PXDN: variants seen among roughly 807,000 people sequenced by gnomAD.
The protein encoded by PXDN is peroxidasin.
PXDN carries 77 observed loss-of-function variants against 140.3 expected under a neutral mutation model. The observed-to-expected ratio is 0.55, with a 90% CI of 0.46 to 0.66. The LOEUF is 0.66. Ranked by LOEUF, PXDN falls within the 30% of genes least tolerant of loss-of-function variation. The pLI, the probability that PXDN is intolerant of heterozygous loss-of-function variation, is 0.00. For missense variants in PXDN, 1,838 were observed against 2,039.5 expected, an observed-to-expected ratio of 0.90 and a Z score of 1.90; for synonymous variants, 911 against 857.4, an observed-to-expected ratio of 1.06 and a Z score of -1.09.
chr2:1,677,149 C>T (rs1277909629), intron 7 of PXDN, 105 bp from the exon 8 acceptor site: 2 of 1,025,084 alleles, frequency 2.0e-6, no homozygotes, highest in African/African-American at 1.6e-5. Flanking sequence ...ACCACAGATG[C>T]CCAAAGGTGT....
At chr2:1,650,356 G>A (rs1013468626) in intron 16 of PXDN, among the ~76,000 whole-genome samples, 3 of 152,194 alleles carry the variant, frequency 2.0e-5, no homozygotes, top group Non-Finnish European at 2.9e-5. Flanking sequence ...CACAGCAAGC[G>A]CACGCTCCCA....
chr2:1,712,034 A>G (rs1684797926), intron 1 of PXDN, among the ~76,000 whole-genome samples: 1 of 152,150 alleles, frequency 6.6e-6, no homozygotes, highest in Non-Finnish European at 1.5e-5. Context: ...AATTCTTGTC[A>G]ATGAAAATGT....
Position 1,660,095 on chromosome 2 carries a change from A to G in PXDN, c.1837+786T>C, listed in dbSNP as rs547366484. ...TAGGGGGACAGAGCAGGAGTGGGGA[A>G]CACACCACTGATGAGGCGCAGGTTT... On this transcript the variant is annotated intron_variant, in intron 14 of 22. Coordinates refer to ENST00000252804, the MANE Select transcript of PXDN (RefSeq NM_012293.3). This position sits in a 1 kb window ranked among gnomAD's most constrained non-coding sequence, Gnocchi z 4.6. 1.6e-4 allele frequency among the ~76,000 whole-genome samples: 24 copies of G among 152,272 alleles called. No homozygotes were observed. The South Asian group carries it at 2.7e-3, about 17-fold the overall frequency.
chr2:1,663,904 TC>T, intron 11 of PXDN, 141 bp from the exon 12 acceptor site: 2 of 993,434 alleles, frequency 2.0e-6, no homozygotes, highest in Non-Finnish European at 3.0e-6. Context: ...CATAAGCAAA[TC>T]TTTGCCTCCC....
At chr2:1,692,956 T>C in intron 2 of PXDN, 107 bp downstream of exon 2, 1 of 1,110,498 alleles carries the variant, frequency 9.0e-7, no homozygotes, top group Non-Finnish European at 1.3e-6. Flanking sequence ...CTGCTCCACT[T>C]TTCCCCACCC....
In PXDN at chr2:1,684,062, G is replaced by T; in HGVS notation, c.488+18C>A. 1 of 1,566,082 alleles carries T rather than the reference G, an allele frequency of 6.4e-7. No homozygotes were observed. The highest frequency in any genetic ancestry group is 8.7e-7 in the Non-Finnish European group (1 of 1,153,396). ...TGGGCTCTGTGAATGGAAAGGCAAG[G>T]AACAACACACAACTCACAGCCTCTC... On this transcript the variant is annotated intron_variant, in intron 5 of 22. Coordinates refer to ENST00000252804, the MANE Select transcript of PXDN (RefSeq NM_012293.3).
rs1213685860 is a variant in PXDN at position 1,651,365 on chromosome 2, G to A, written c.2105-1690C>T. 6.6e-6 allele frequency among the ~76,000 whole-genome samples: 1 copy of A among 152,178 alleles called. No individual in the cohort carries two copies. ...ACCAGAGCAGGTGGCACCGACCCTG[G>A]CCCCAGTTTCCCAGGACTGGTTTGC... On this transcript the variant is annotated intron_variant, in intron 16 of 22. Transcript: ENST00000252804. This position sits in a 1 kb window ranked among gnomAD's most constrained non-coding sequence, Gnocchi z 4.4.
chr2:1,648,635 C>T lies in PXDN; in HGVS notation c.3145G>A (p.Glu1049Lys). Reference protein sequence around the residue: ...LGEVGMRTLGEYHGYDPGINA... With the variant: ...LGEVGMRTLGKYHGYDPGINA... ...ATGCCGGGGTCGTAGCCGTGGTACTCTCCCAGCGTCCTCATGCCCACCTCC... is the reference window on the plus strand; with the variant it reads ...ATGCCGGGGTCGTAGCCGTGGTACTTTCCCAGCGTCCTCATGCCCACCTCC... Residue 1049 changes from glutamate to lysine, a missense_variant, in exon 17 of 23, where the codon GAG becomes AAG. Transcript: ENST00000252804. This position sits in a 1 kb window ranked among gnomAD's most constrained non-coding sequence, Gnocchi z 8.9. 6.2e-7 allele frequency: 1 copy of T among 1,610,904 alleles called. No individual in the cohort carries two copies.
In PXDN at chr2:1,634,013, G is replaced by A. The variant is rs1438983848; in HGVS notation, c.*191C>T. 4.6e-5 allele frequency: 34 copies of A among 733,502 alleles called. No individual in the cohort carries two copies. Among genetic ancestry groups the A allele is most frequent in the Non-Finnish European group, 6.3e-5 (31 of 491,674 alleles). 45.4% of individuals were successfully genotyped at this position (733,502 alleles called of 1,614,324 possible). ...GCCTGCTTCCCTTCAGGCACCTGCTGTGCCTCCTTCTCCGCAGATGCTCTG... is the reference window on the plus strand; with the variant it reads ...GCCTGCTTCCCTTCAGGCACCTGCTATGCCTCCTTCTCCGCAGATGCTCTG... On this transcript the variant is annotated 3_prime_UTR_variant, in exon 23 of 23. Coordinates refer to ENST00000252804, the MANE Select transcript of PXDN (RefSeq NM_012293.3).
At position 1,649,166 on chromosome 2, in the gene PXDN, C is replaced by A. The variant is rs1380036826; in HGVS notation, c.2614G>T (p.Gly872Trp). ...IPPNDSRARSGARCMFFVRSS... is the reference protein window; with the variant it reads ...IPPNDSRARSWARCMFFVRSS... ...CGCACGAAGAACATGCAGCGGGCCCCGCTCCTGGCCCGGGAGTCATTGGGG... is the reference window on the plus strand; with the variant it reads ...CGCACGAAGAACATGCAGCGGGCCCAGCTCCTGGCCCGGGAGTCATTGGGG... Residue 872 changes from glycine (G) to tryptophan (W), a missense_variant, in exon 17 of 23, where the codon GGG (glycine) becomes TGG (tryptophan). Physicochemically the swap from Gly to Trp is radical, Grantham distance 184. Around this residue, in one of 5 missense-constraint regions of PXDN, gnomAD observed 850 missense variants for 894.1 expected, o/e 0.95. Coordinates refer to ENST00000252804, the MANE Select transcript of PXDN (RefSeq NM_012293.3). This position sits in a 1 kb window ranked among gnomAD's most constrained non-coding sequence, Gnocchi z 7.1. The A allele has an allele frequency of 4.3e-6, 7 of 1,612,052 alleles. No homozygotes were observed. In the South Asian group the frequency reaches 7.7e-5, roughly 18 times the overall value.
intron 14 of PXDN, among the ~76,000 whole-genome samples, chr2:1,655,414 C>T (rs1195623007): frequency 6.6e-6 from 1 of 151,232 alleles, no homozygotes; most frequent in Non-Finnish European, 1.5e-5. Flanking sequence ...TCACATTATA[C>T]ACACACATCA....
chr2:1,638,524 G>C (rs1445891002), intron 21 of PXDN, among the ~76,000 whole-genome samples: 3 of 152,132 alleles, frequency 2.0e-5, no homozygotes, highest in African/African-American at 7.2e-5. Flanking sequence ...TTAAGAACAG[G>C]ACTTCATGTC....
At chr2:1,739,066 C>G (rs1685480751) in intron 1 of PXDN, among the ~76,000 whole-genome samples, 1 of 152,178 alleles carries the variant, frequency 6.6e-6, no homozygotes, top group Admixed American at 6.5e-5. Context: ...CCGGGAAGAT[C>G]AGATGCCTTC....
chr2:1,683,491 TC>T (rs138434519), intron 6 of PXDN, among the ~76,000 whole-genome samples, 164 bp downstream of exon 6: 24,293 of 151,858 alleles, frequency 0.16, 3,794 homozygotes, highest in African/African-American at 0.41. Context: ...CACATGTTTT[TC>T]ATTTTGCTCT....
At chr2:1,665,940 T>G (rs2125427782) in intron 10 of PXDN, among the ~76,000 whole-genome samples, 1 of 152,224 alleles carries the variant, frequency 6.6e-6, no homozygotes, top group South Asian at 2.1e-4. Flanking sequence ...CTCTCTCACT[T>G]ATCTGATAGA....
intron 12 of PXDN, 91 bp downstream of exon 12, chr2:1,663,513 GA>G: frequency 6.6e-7 from 1 of 1,514,570 alleles, no homozygotes; most frequent in Non-Finnish European, 9.0e-7. Context: ...GCTTTATAAC[GA>G]AGAGTAACAC....
Position 1,653,521 on chromosome 2 carries a change from T to C in PXDN, c.2104+107A>G, listed in dbSNP as rs1423720945. The C allele has an allele frequency of 7.7e-6, 11 of 1,432,582 alleles. 1 individual carries two copies. The highest frequency in any genetic ancestry group is 9.6e-7 in the Non-Finnish European group (1 of 1,037,320). 88.7% of individuals were successfully genotyped at this position (1,432,582 alleles called of 1,614,324 possible). A position where few individuals can be genotyped will look rare whatever the true frequency, so the allele number is the denominator to read the frequency against. ...ATAATTTCACAGTTCATAAGCACAG[T>C]GGGAAAGAAAATGCTGGAACTCTTC... On this transcript the variant is annotated intron_variant, in intron 16 of 22. Transcript: ENST00000252804.
At chr2:1,686,540 G>A (rs557439041) in intron 4 of PXDN, among the ~76,000 whole-genome samples, 3 of 152,178 alleles carry the variant, frequency 2.0e-5, no homozygotes, top group African/African-American at 7.2e-5. Flanking sequence ...AGATTTGCTC[G>A]CCCCCACTGA....
rs760329688 is a variant in PXDN, at chr2:1,661,071, A to G, written c.1681-34T>C. ...AAACAGAATGAAAACAGTATTAGAA[A>G]TAAGACTAAGAAGCAGAAGTTATCT... On this transcript the variant is annotated intron_variant, in intron 13 of 22. Transcript: ENST00000252804. 4.3e-6 allele frequency: 7 copies of G among 1,612,120 alleles called. No homozygotes were observed. In the East Asian group the frequency reaches 1.3e-4, roughly 31 times the overall value.
Sources: gnomAD v4.1 joint callset for allele counts (sites outside exome capture counted in the v4.1 genomes callset) on GRCh38, gnomAD v4.1.1 for gene constraint, gnomAD v4.1.1 regional missense constraint, Gnocchi (gnomAD v3.1) non-coding constraint, MANE v1.5 for transcripts, NCBI Gene and HGNC (gene_info 2026-07-23, HGNC 2026-07-21) for gene names.